The following GALNT3 variants were observed in gnomAD, a reference collection of about 807,000 sequenced individuals.
The protein encoded by GALNT3 is polypeptide N-acetylgalactosaminyltransferase 3, also known as GalNAc transferase 3.
Under a neutral mutation model 69.8 loss-of-function variants are expected in GALNT3, and 51 were observed. That is an observed-to-expected ratio of 0.73 (90% CI 0.58 to 0.92). The LOEUF is 0.92. Among genes scored for constraint, GALNT3 ranks in the 40% least tolerant of loss-of-function variants. The pLI is 0.00. For missense variants in GALNT3, 711 were observed against 760.0 expected (o/e 0.94, Z 0.76); for synonymous variants, 265 against 248.5 (o/e 1.07, Z -0.63).
intron 9 of GALNT3, among the ~76,000 whole-genome samples, chr2:165,752,175 T>C (rs1356042295): frequency 1.3e-5 from 2 of 152,146 alleles, no homozygotes; most frequent in African/African-American, 4.8e-5. Flanking sequence ...ACACTGGCTA[T>C]CTGCTTTCTC....
chr2:165,749,721 G>A (rs749600839), intron 10 of GALNT3, 21 bp downstream of exon 10: 3 of 1,607,290 alleles, frequency 1.9e-6, no homozygotes, highest in Non-Finnish European at 2.6e-6. Context: ...TTAAATAGAT[G>A]AATTAATTGC....
At chr2:165,792,402 A>C (rs906720299) in intron 1 of GALNT3, among the ~76,000 whole-genome samples, 2 of 152,200 alleles carry the variant, frequency 1.3e-5, no homozygotes, top group African/African-American at 4.8e-5. Context: ...TCATATTTAA[A>C]CAGTATTTAG....
At chr2:165,789,780 C>T (rs747888567) in intron 1 of GALNT3, among the ~76,000 whole-genome samples, 3 of 151,958 alleles carry the variant, frequency 2.0e-5, no homozygotes, top group Non-Finnish European at 2.9e-5. Context: ...AAAAGTGTAC[C>T]CCAGCAGGGC....
rs1683417866 is a variant in GALNT3 at position 165,794,226 on chromosome 2, C to T, written c.-320G>A. 1 of 152,592 alleles carries T rather than the reference C, an allele frequency of 6.6e-6. No individual in the cohort carries two copies. Among genetic ancestry groups the T allele is most frequent in the South Asian group, 2.1e-4 (1 of 4,842 alleles). The allele number at this position is 152,592 out of a possible 1,614,324, so 9.5% of individuals were successfully genotyped here. ...AGGCAGAACCGAGGCTCGGCTTCCA[C>T]TTGGAGTCTCCCAGGTGAGCTCCAG... On this transcript the variant is annotated 5_prime_UTR_variant, in exon 1 of 11. It adds an upstream start codon to the 5' untranslated region. Transcript: ENST00000392701.
chr2:165,777,093 A>G (rs1433583977), intron 1 of GALNT3, among the ~76,000 whole-genome samples: 1 of 151,994 alleles, frequency 6.6e-6, no homozygotes, highest in East Asian at 1.9e-4. Flanking sequence ...GTAACATTTA[A>G]TGAAATAAGA....
chr2:165,777,200 C>T (rs1311608977), intron 1 of GALNT3, among the ~76,000 whole-genome samples: 1 of 152,100 alleles, frequency 6.6e-6, no homozygotes, highest in African/African-American at 2.4e-5. Flanking sequence ...AATTTAATTG[C>T]TGTGATGTCT....
At chr2:165,749,197 A>T (rs187127518) in intron 10 of GALNT3, among the ~76,000 whole-genome samples, 4 of 152,266 alleles carry the variant, frequency 2.6e-5, no homozygotes, top group Non-Finnish European at 5.9e-5. Context: ...TCTTAAAAAC[A>T]TCATAAATTA....
At position 165,758,750 on chromosome 2, in the gene GALNT3, G is replaced by T. The variant is rs1409219297; in HGVS notation, c.1188C>A (p.Phe396Leu). The change falls in exon 6 of 11, where the codon TTC (phenylalanine) becomes TTA (leucine). Residue 396 changes from phenylalanine (F) to leucine (L), a missense_variant. Phe to Leu is a conservative substitution (Grantham distance 22, BLOSUM62 0). Coordinates refer to ENST00000392701, the MANE Select transcript of GALNT3 (RefSeq NM_004482.4). ...IWGGENIEMS[F>L]RVWQCGGQLE... ...TATTTAATTTCCATAAACTTACTCT[G>T]AAAGACATTTCTATATTTTCACCTC... 6.6e-7 allele frequency: 1 copy of T among 1,524,928 alleles called. No individual in the cohort carries two copies. Among genetic ancestry groups the T allele is most frequent in the Non-Finnish European group, 9.1e-7 (1 of 1,099,158 alleles). The allele number at this position is 1,524,928 out of a possible 1,614,324, so 94.5% of individuals were successfully genotyped here.
intron 9 of GALNT3, among the ~76,000 whole-genome samples, chr2:165,750,738 T>A (rs1362435386): frequency 6.6e-6 from 1 of 152,210 alleles, no homozygotes. Context: ...AATTGGTACA[T>A]GAAATCTTTC....
intron 1 of GALNT3, among the ~76,000 whole-genome samples, chr2:165,779,497 T>A (rs543889063): frequency 1.3e-3 from 203 of 152,316 alleles, no homozygotes; most frequent in African/African-American, 4.3e-3. Flanking sequence ...GAAGAAGTTC[T>A]ATCTCCTCAA....
chr2:165,773,118 A>G (rs1688781868), intron 1 of GALNT3, among the ~76,000 whole-genome samples: 1 of 152,190 alleles, frequency 6.6e-6, no homozygotes. Flanking sequence ...TGGGAGATGA[A>G]TGGTGATATG....
intron 4 of GALNT3, among the ~76,000 whole-genome samples, chr2:165,760,311 T>TA (rs1260903475): frequency 6.6e-6 from 1 of 152,144 alleles, no homozygotes; most frequent in Non-Finnish European, 1.5e-5. Flanking sequence ...GAAGGACCAT[T>TA]CAAAGCTGCC....
At chr2:165,776,004 G>T (rs1381604233) in intron 1 of GALNT3, among the ~76,000 whole-genome samples, 2 of 152,134 alleles carry the variant, frequency 1.3e-5, no homozygotes, top group Non-Finnish European at 2.9e-5. Context: ...TTTCCAAAAA[G>T]ACTCAGGGAT....
rs1246197266 is a variant in GALNT3 at position 165,748,035 on chromosome 2, A to G, written c.*746T>C. ...AAATACTAGAAGAAAGGAAAAGGACACCTTTTCAACAGATAGTAATTTATA... is the reference window on the plus strand; with the variant it reads ...AAATACTAGAAGAAAGGAAAAGGACGCCTTTTCAACAGATAGTAATTTATA... On this transcript the variant is annotated 3_prime_UTR_variant, in exon 11 of 11. Coordinates refer to ENST00000392701, the MANE Select transcript of GALNT3 (RefSeq NM_004482.4). 5 of 179,338 alleles carry G rather than the reference A, an allele frequency of 2.8e-5. No individual in the cohort carries two copies. The highest frequency in any genetic ancestry group is 9.2e-5 in the East Asian group (1 of 10,920). 11.1% of individuals were successfully genotyped at this position (179,338 alleles called of 1,614,324 possible).
chr2:165,790,199 G>A (rs943557543), intron 1 of GALNT3, among the ~76,000 whole-genome samples: 1 of 152,114 alleles, frequency 6.6e-6, no homozygotes, highest in African/African-American at 2.4e-5. Context: ...GGTGTACTTG[G>A]GGGAATATTC....
At position 165,748,856 on chromosome 2, in the gene GALNT3, A is replaced by G. The variant is rs142136047; in HGVS notation, c.1827T>C (p.Asn609=). The G allele has an allele frequency of 9.5e-3, 15,339 of 1,611,598 alleles. 97 individuals carry two copies. The highest frequency in any genetic ancestry group is 0.011 in the Non-Finnish European group (12,944 of 1,178,354). ...ATGACACTAAACTTGGATGCTCTCC[A>G]TTTGCTGAAAGGCACATTTTTAAGA... ...NPFLKMCLSA[N]GEHPSLVSCN... The change falls in exon 11 of 11, where the codon AAT becomes AAC. Residue 609 remains asparagine, a synonymous_variant. Coordinates refer to ENST00000392701, the MANE Select transcript of GALNT3 (RefSeq NM_004482.4).
At chr2:165,785,366 A>T (rs1683198728) in intron 1 of GALNT3, among the ~76,000 whole-genome samples, 1 of 152,244 alleles carries the variant, frequency 6.6e-6, no homozygotes, top group Non-Finnish European at 1.5e-5. Context: ...GAAAAAACAT[A>T]CATATTGTTT....
intron 1 of GALNT3, among the ~76,000 whole-genome samples, chr2:165,792,937 G>A (rs997302804): frequency 3.9e-5 from 6 of 152,112 alleles, no homozygotes; most frequent in Non-Finnish European, 7.3e-5. Context: ...ATATTTTTTA[G>A]CTATAGAATT....
intron 2 of GALNT3, among the ~76,000 whole-genome samples, chr2:165,766,125 A>C (rs545137713): frequency 6.6e-6 from 1 of 152,276 alleles, no homozygotes; most frequent in African/African-American, 2.4e-5. Context: ...ATACTTATTA[A>C]GTACTGCCAT....
Sources: gnomAD v4.1 joint callset for allele counts (sites outside exome capture counted in the v4.1 genomes callset) on GRCh38, gnomAD v4.1.1 for gene constraint, MANE v1.5 for transcripts, NCBI Gene and HGNC (gene_info 2026-07-23, HGNC 2026-07-21) for gene names.